Variants in REC114 observed in about 807,000 individuals in gnomAD.
REC114 encodes meiotic recombination protein REC114.
A neutral mutation model predicts 31.3 loss-of-function variants in REC114; 27 were observed. The observed-to-expected ratio is 0.86, with a 90% confidence interval of 0.64 to 1.19. The LOEUF is 1.19. Among genes scored for constraint, REC114 ranks in the 50% most tolerant of loss-of-function variants. The pLI is 0.00. For missense variants in REC114, 344 were observed against 326.9 expected (o/e 1.05, Z -0.40); for synonymous variants, 134 against 127.7 (o/e 1.05, Z -0.33).
At chr15:73,554,541 G>A (rs1894436093) in intron 4 of REC114, among the ~76,000 whole-genome samples, 1 of 152,084 alleles carries the variant, frequency 6.6e-6, no homozygotes, top group South Asian at 2.1e-4. Context: ...TTGTAATTTT[G>A]TTAATTGTGG....
chr15:73,450,469 A>G (rs1388953619), intron 1 of REC114, among the ~76,000 whole-genome samples: 1 of 152,236 alleles, frequency 6.6e-6, no homozygotes, highest in Non-Finnish European at 1.5e-5. Flanking sequence ...ATACAGGAGC[A>G]CCCAGATTCA....
chr15:73,554,965 CAG>C (rs752040344), intron 4 of REC114, among the ~76,000 whole-genome samples: 1 of 152,234 alleles, frequency 6.6e-6, no homozygotes, highest in Non-Finnish European at 1.5e-5. Context: ...AGAAACTGAA[CAG>C]AGAAATGGGG....
At chr15:73,551,179 G>A in intron 4 of REC114, 29 bp downstream of exon 4, 1 of 1,562,768 alleles carries the variant, frequency 6.4e-7, no homozygotes, top group South Asian at 1.2e-5. Flanking sequence ...TGGTTATACA[G>A]GAAACATGAC....
intron 2 of REC114, among the ~76,000 whole-genome samples, chr15:73,534,050 A>G (rs1894122137): frequency 7.5e-6 from 1 of 133,154 alleles, no homozygotes; most frequent in Non-Finnish European, 1.6e-5. Flanking sequence ...GTGTAGAGGG[A>G]AATTTATAGC....
At chr15:73,475,103 T>A (rs185864748) in intron 2 of REC114, among the ~76,000 whole-genome samples, 8 of 152,276 alleles carry the variant, frequency 5.3e-5, no homozygotes, top group Admixed American at 4.6e-4. Context: ...ATATCATGGG[T>A]CTTTGCTGAA....
chr15:73,462,881 T>C, intron 1 of REC114, among the ~76,000 whole-genome samples: 1 of 99,154 alleles, frequency 1.0e-5, no homozygotes. Flanking sequence ...TGAGACTCCG[T>C]CTCAAAAAAA....
At chr15:73,460,687 A>AT (rs111455993) in intron 1 of REC114, among the ~76,000 whole-genome samples, 23,316 of 151,964 alleles carry the variant, frequency 0.15, 2,669 homozygotes, top group African/African-American at 0.32. Flanking sequence ...ATAGTTAGTG[A>AT]TTTTATCAGA....
Position 73,488,188 on chromosome 15 carries a change from G to C in REC114, c.249+14267G>C, listed in dbSNP as rs538216439. On this transcript the variant is annotated intron_variant, in intron 2 of 5. Transcript: ENST00000331090. The stretch of plus-strand genomic sequence containing the variant: ...AAAACTGTTCTGCCCTCAAGGCTCT[G>C]GCATTGTGGACCTATGATGGGTGTG... 5.1e-4 allele frequency among the ~76,000 whole-genome samples: 77 copies of C among 152,304 alleles called. No individual in the cohort carries two copies. The South Asian group carries it at 8.9e-3, about 18-fold the overall frequency.
At chr15:73,469,435 A>G (rs1893103992) in intron 1 of REC114, among the ~76,000 whole-genome samples, 1 of 152,042 alleles carries the variant, frequency 6.6e-6, no homozygotes, top group African/African-American at 2.4e-5. Context: ...CTTTTTAGTG[A>G]AAGAGTCTCA....
intron 1 of REC114, among the ~76,000 whole-genome samples, chr15:73,464,696 GCCCATCTTCATGAGGTCCA>G (rs1325430069): frequency 6.6e-6 from 1 of 152,116 alleles, no homozygotes; most frequent in Non-Finnish European, 1.5e-5. Context: ...AGTCTGGTCT[GCCCATCTTCATGAGGTCCA>G]CCAATTTCTA....
chr15:73,529,233 G>A, intron 2 of REC114, among the ~76,000 whole-genome samples: 1 of 151,906 alleles, frequency 6.6e-6, no homozygotes, highest in Middle Eastern at 3.2e-3. Flanking sequence ...TGCCTGCCAG[G>A]TTCACGCCAT....
chr15:73,468,716 T>G (rs1163864864), intron 1 of REC114, among the ~76,000 whole-genome samples: 1 of 151,558 alleles, frequency 6.6e-6, no homozygotes, highest in Non-Finnish European at 1.5e-5. Flanking sequence ...TTTATCAGCT[T>G]GAGGAAGTTA....
chr15:73,559,040 G>C (rs2141340768), intron 5 of REC114, among the ~76,000 whole-genome samples: 1 of 152,310 alleles, frequency 6.6e-6, no homozygotes, highest in African/African-American at 2.4e-5. Flanking sequence ...AGTGTAAGAA[G>C]CCAGATTCAA....
Position 73,443,280 on chromosome 15 carries a change from C to T in REC114, c.95C>T (p.Ser32Leu), listed in dbSNP as rs1026068674. ...PLQRYARCIP[S>L]NTRDPPGPCL... ...CAGCGGTACGCCCGCTGCATACCCTCAAACACCAGAGACCCACCTGGGCCA... is the reference window on the plus strand; with the variant it reads ...CAGCGGTACGCCCGCTGCATACCCTTAAACACCAGAGACCCACCTGGGCCA... Residue 32 changes from serine (S) to leucine (L), a missense_variant, in exon 1 of 6, where the codon TCA (serine) becomes TTA (leucine). Ser to Leu is a moderately radical substitution (Grantham distance 145). Coordinates refer to ENST00000331090, the MANE Select transcript of REC114 (RefSeq NM_001042367.2). 3.8e-6 allele frequency: 6 copies of T among 1,581,598 alleles called. No homozygotes were observed. The highest frequency in any genetic ancestry group is 1.8e-5 in the Admixed American group (1 of 54,894).
At chr15:73,512,101 G>T (rs1893780088) in intron 2 of REC114, among the ~76,000 whole-genome samples, 1 of 141,080 alleles carries the variant, frequency 7.1e-6, no homozygotes. Context: ...AGGTCACTCA[G>T]GACTTGCTTT....
intron 1 of REC114, among the ~76,000 whole-genome samples, chr15:73,467,923 C>T (rs557154968): frequency 4.6e-5 from 7 of 151,504 alleles, no homozygotes; most frequent in East Asian, 3.9e-4. Context: ...TTCTCTAACA[C>T]GTAGAGGTTG....
chr15:73,496,400 C>T (rs1304451148), intron 2 of REC114, among the ~76,000 whole-genome samples: 4 of 147,830 alleles, frequency 2.7e-5, no homozygotes, highest in South Asian at 2.2e-4. Context: ...AGGCCGAGCG[C>T]GTAATCCCAG....
intron 4 of REC114, among the ~76,000 whole-genome samples, chr15:73,555,240 G>A (rs988318989): frequency 6.6e-6 from 1 of 152,140 alleles, no homozygotes; most frequent in Non-Finnish European, 1.5e-5. Context: ...CCTCCAAAGA[G>A]TGCCCTGTTT....
At chr15:73,503,349 T>C (rs1233271199) in intron 2 of REC114, among the ~76,000 whole-genome samples, 5 of 152,340 alleles carry the variant, frequency 3.3e-5, no homozygotes, top group African/African-American at 1.2e-4. Context: ...TTTTACTGTA[T>C]GTTTATACCT....
Sources: allele counts gnomAD v4.1 joint callset (sites outside exome capture counted in the v4.1 genomes callset), GRCh38; gene constraint gnomAD v4.1.1; transcripts MANE v1.5; gene names NCBI Gene and HGNC (gene_info 2026-07-23, HGNC 2026-07-21).